NCAM1: variants seen among roughly 807,000 people sequenced by gnomAD.
The protein encoded by NCAM1 is neural cell adhesion molecule 1.
A neutral mutation model predicts 109.8 loss-of-function variants in NCAM1; 14 were observed. The ratio of observed to expected loss-of-function variants is 0.13; its 90% CI spans 0.08 to 0.20. NCAM1 has a LOEUF of 0.20. Ranked by LOEUF, NCAM1 falls within the 10% of genes least tolerant of loss-of-function variation. The pLI, the probability that NCAM1 is intolerant of heterozygous loss-of-function variation, is 1.00. For synonymous variants in NCAM1, 418 were observed against 442.9 expected (o/e 0.94, Z 0.70); for missense variants, 774 against 1,109.9 (o/e 0.70, Z 4.30).
chr11:113,049,919 A>G (rs1484403226), intron 1 of NCAM1, among the ~76,000 whole-genome samples: 2 of 152,216 alleles, frequency 1.3e-5, no homozygotes, highest in Admixed American at 6.5e-5. Context: ...TTAAAGGGAC[A>G]CAAGTCCACC....
chr11:113,248,373 G>A (rs1465341430), intron 15 of NCAM1, among the ~76,000 whole-genome samples: 1 of 152,110 alleles, frequency 6.6e-6, no homozygotes, highest in East Asian at 1.9e-4. Flanking sequence ...GGTGAGCCCC[G>A]CACGCAGCAG....
chr11:113,247,065 G>A (rs1945520234), intron 15 of NCAM1, among the ~76,000 whole-genome samples: 1 of 152,156 alleles, frequency 6.6e-6, no homozygotes, highest in Admixed American at 6.5e-5. Flanking sequence ...ACACATGATT[G>A]ACCCTTGCAG....
chr11:113,200,808 C>T (rs1224501478), intron 1 of NCAM1, among the ~76,000 whole-genome samples: 1 of 152,196 alleles, frequency 6.6e-6, no homozygotes, highest in Non-Finnish European at 1.5e-5. Context: ...GCTCTGTGTG[C>T]TGCGACCACA....
intron 1 of NCAM1, among the ~76,000 whole-genome samples, chr11:113,035,865 C>T (rs139874785): frequency 1.5e-3 from 222 of 152,308 alleles, no homozygotes; most frequent in African/African-American, 4.7e-3. Context: ...ACCATCTCCA[C>T]GCCTCCTGGA....
intron 1 of NCAM1, among the ~76,000 whole-genome samples, chr11:113,093,182 A>T (rs757640241): frequency 5.3e-5 from 8 of 152,180 alleles, no homozygotes; most frequent in African/African-American, 1.4e-4. Flanking sequence ...AACATGGATC[A>T]TCATCTTTGG....
intron 1 of NCAM1, among the ~76,000 whole-genome samples, chr11:113,019,649 A>G (rs1283811777): frequency 6.6e-6 from 1 of 152,222 alleles, no homozygotes; most frequent in Non-Finnish European, 1.5e-5. Flanking sequence ...TAACATATGT[A>G]TGTGTGTATA....
intron 1 of NCAM1, among the ~76,000 whole-genome samples, chr11:113,086,948 A>T (rs575212740): frequency 1.8e-4 from 28 of 152,338 alleles, no homozygotes; most frequent in African/African-American, 6.7e-4. Flanking sequence ...TTATAAGTTG[A>T]TTGTACTTAA....
chr11:113,027,580 G>T (rs1461546320), intron 1 of NCAM1, among the ~76,000 whole-genome samples: 2 of 152,194 alleles, frequency 1.3e-5, no homozygotes, highest in East Asian at 1.9e-4. Context: ...TGTTGGTGTA[G>T]ATAAGTCATT....
Position 113,170,162 on chromosome 11 carries a change from A to T in NCAM1, c.53-32217A>T, listed in dbSNP as rs1464856713. On this transcript the variant is annotated intron_variant, in intron 1 of 19. Transcript: ENST00000316851. The stretch of plus-strand genomic sequence containing the variant: ...AAACCAAAGAAGGCAGATTGCTAGG[A>T]TTGTCCTTTCATGGAAGAGCAAGCA... Among the ~76,000 whole-genome samples the T allele has an allele frequency of 2.0e-5, 3 of 152,162 alleles. No homozygotes were observed. The East Asian group carries it at 5.8e-4, about 29-fold the overall frequency.
At chr11:113,085,015 G>A (rs1397387390) in intron 1 of NCAM1, among the ~76,000 whole-genome samples, 1 of 152,156 alleles carries the variant, frequency 6.6e-6, no homozygotes, top group East Asian at 1.9e-4. Context: ...GAACCAAATA[G>A]GTATTCCTCT....
At position 113,276,670 on chromosome 11, in the gene NCAM1, T is replaced by C. The variant is rs200617376; in HGVS notation, c.*1283T>C. 4 of 152,702 alleles carry C rather than the reference T, an allele frequency of 2.6e-5. No homozygotes were observed. The East Asian group carries it at 7.7e-4, about 29-fold the overall frequency. 9.5% of individuals were successfully genotyped at this position (152,702 alleles called of 1,614,324 possible). ...TGCTTCAGGGAATTAGTGTCTTTTTTTGGAAATCTGTTGAAGTAAAGTAAC... is the reference window on the plus strand; with the variant it reads ...TGCTTCAGGGAATTAGTGTCTTTTTCTGGAAATCTGTTGAAGTAAAGTAAC... On this transcript the variant is annotated 3_prime_UTR_variant, in exon 20 of 20. Coordinates refer to ENST00000316851, the MANE Select transcript of NCAM1 (RefSeq NM_181351.5).
At chr11:113,036,263 G>C (rs145433637) in intron 1 of NCAM1, among the ~76,000 whole-genome samples, 1 of 152,008 alleles carries the variant, frequency 6.6e-6, no homozygotes, top group African/African-American at 2.4e-5. Context: ...CAAATTTCTG[G>C]AGTCCTTATT....
intron 16 of NCAM1, among the ~76,000 whole-genome samples, chr11:113,256,600 C>T (rs1450000290): frequency 6.6e-6 from 1 of 152,176 alleles, no homozygotes; most frequent in East Asian, 1.9e-4. Flanking sequence ...TGCCAGTTCC[C>T]TCACCAGCCC....
At chr11:113,001,074 C>T (rs1447853206) in intron 1 of NCAM1, among the ~76,000 whole-genome samples, 2 of 151,910 alleles carry the variant, frequency 1.3e-5, no homozygotes, top group Non-Finnish European at 2.9e-5. Context: ...TGAGAGAATC[C>T]GTGAGCCCTC....
At chr11:113,151,779 G>T (rs1942231231) in intron 1 of NCAM1, among the ~76,000 whole-genome samples, 1 of 152,240 alleles carries the variant, frequency 6.6e-6, no homozygotes, top group African/African-American at 2.4e-5. Flanking sequence ...TCTGAGCTTT[G>T]TTACTCATCG....
chr11:113,037,687 C>CTAAATGCATT lies in NCAM1; in HGVS notation c.52+76032_52+76033insTTAAATGCAT, dbSNP rs1952938093. ...TGGAGTCCCTCCTTACTGTTCTTCA[C>CTAAATGCATT]TAAATGCATAAGTCCGATATATTTT... On this transcript the variant is annotated intron_variant, in intron 1 of 19. Coordinates refer to ENST00000316851, the MANE Select transcript of NCAM1 (RefSeq NM_181351.5). Among the ~76,000 whole-genome samples the CTAAATGCATT allele has an allele frequency of 3.3e-5, 5 of 152,342 alleles. No individual in the cohort carries two copies. In the South Asian group the frequency reaches 1.0e-3, roughly 32 times the overall value.
At chr11:113,001,543 T>C (rs1951755495) in intron 1 of NCAM1, among the ~76,000 whole-genome samples, 1 of 152,190 alleles carries the variant, frequency 6.6e-6, no homozygotes, top group Non-Finnish European at 1.5e-5. Context: ...ATCTAGTAAA[T>C]AGCACAGCAA....
chr11:113,162,460 A>T (rs1051851459), intron 1 of NCAM1, among the ~76,000 whole-genome samples: 10 of 152,092 alleles, frequency 6.6e-5, no homozygotes, highest in Non-Finnish European at 1.5e-4. Flanking sequence ...GTTATCTTAG[A>T]GATTGTTTTT....
intron 1 of NCAM1, among the ~76,000 whole-genome samples, chr11:113,021,433 C>A (rs747813679): frequency 3.9e-5 from 6 of 152,130 alleles, no homozygotes; most frequent in Non-Finnish European, 8.8e-5. Flanking sequence ...TTATGACATC[C>A]TTTGGCTATT....
Sources: allele counts gnomAD v4.1 joint callset (sites outside exome capture counted in the v4.1 genomes callset), GRCh38; gene constraint gnomAD v4.1.1; transcripts MANE v1.5; gene names NCBI Gene and HGNC (gene_info 2026-07-23, HGNC 2026-07-21).